Variants in CCDC66 observed in about 807,000 individuals in gnomAD.
CCDC66 encodes coiled-coil domain-containing protein 66.
In CCDC66, 133 loss-of-function variants were observed where a neutral mutation model predicts 128.3. The ratio of observed to expected loss-of-function variants is 1.04; its 90% CI spans 0.90 to 1.20. The LOEUF (loss-of-function observed/expected upper bound fraction) is 1.20, where lower values mean the gene tolerates loss of function less well. Ranked by LOEUF, CCDC66 falls within the 50% of genes most tolerant of loss-of-function variation. The pLI, the probability that CCDC66 is intolerant of heterozygous loss-of-function variation, is 0.00. For synonymous variants in CCDC66, 387 were observed against 357.0 expected (o/e 1.08, Z -0.95); for missense variants, 1,126 against 1,075.5 (o/e 1.05, Z -0.66).
intron 7 of CCDC66, among the ~76,000 whole-genome samples, chr3:56,586,221 A>G (rs1465435395): frequency 6.6e-6 from 1 of 151,964 alleles, no homozygotes; most frequent in Non-Finnish European, 1.5e-5. Flanking sequence ...GATAAAAGTT[A>G]AAGAATGTAC....
Position 56,613,722 on chromosome 3 carries a change from A to G in CCDC66, c.1538A>G (p.Glu513Gly). The G allele has an allele frequency of 6.2e-7, 1 of 1,610,418 alleles. No homozygotes were observed. The highest frequency in any genetic ancestry group is 8.5e-7 in the Non-Finnish European group (1 of 1,178,880). ...GAAGAGATGCAGAAACAGTATGAAG[A>G]AGACATACTTAAGCAAAAACAAAAG... is the stretch of plus-strand genomic sequence containing the variant. ...EREEMQKQYE[E>G]DILKQKQKEE... The change falls in exon 11 of 18, where the codon GAA becomes GGA. Residue 513 changes from glutamate to glycine, a missense_variant. Coordinates refer to ENST00000394672, the MANE Select transcript of CCDC66 (RefSeq NM_001141947.3).
chr3:56,620,121 T>A, intron 17 of CCDC66: 1 of 313,870 alleles, frequency 3.2e-6, no homozygotes, highest in Non-Finnish European at 5.8e-6. Flanking sequence ...TACGAAATCA[T>A]CAGACAGTTC....
chr3:56,568,827 T>C (rs763727085), intron 6 of CCDC66, among the ~76,000 whole-genome samples: 10 of 152,256 alleles, frequency 6.6e-5, no homozygotes, highest in Non-Finnish European at 8.8e-5. Context: ...CTATAATTTC[T>C]GTTAGAGTCT....
intron 7 of CCDC66, among the ~76,000 whole-genome samples, chr3:56,573,577 C>T (rs570854822): frequency 3.9e-5 from 6 of 152,286 alleles, no homozygotes; most frequent in Admixed American, 1.3e-4. Context: ...AAAATGTCAG[C>T]GTTAGCATGA....
chr3:56,613,591 A>G lies in CCDC66; in HGVS notation c.1407A>G (p.Lys469=). The change falls in exon 11 of 18, where the codon AAA becomes AAG. Residue 469 remains lysine (K), a splice_region_variant and synonymous_variant. Coordinates refer to ENST00000394672, the MANE Select transcript of CCDC66 (RefSeq NM_001141947.3). ...RRRQKQLEHQ[K]AITAQVEEKR... ...TTTACGTGATTGCTTATGACTAGAA[A>G]GCCATCACTGCCCAGGTAGAAGAGA... is the stretch of plus-strand genomic sequence containing the variant. 1.2e-6 allele frequency: 2 copies of G among 1,609,062 alleles called. No homozygotes were observed. Among genetic ancestry groups the G allele is most frequent in the South Asian group, 2.2e-5 (2 of 89,992 alleles).
intron 10 of CCDC66, among the ~76,000 whole-genome samples, chr3:56,609,917 T>C (rs1302809231): frequency 6.6e-6 from 1 of 152,202 alleles, no homozygotes; most frequent in African/African-American, 2.4e-5. Flanking sequence ...CTCTTCTAGC[T>C]TGTAGGGTTT....
At chr3:56,588,924 A>C (rs1005766541) in intron 7 of CCDC66, among the ~76,000 whole-genome samples, 1 of 152,238 alleles carries the variant, frequency 6.6e-6, no homozygotes, top group African/African-American at 2.4e-5. Flanking sequence ...CTGAAAATCA[A>C]GGAATAGTGA....
At chr3:56,608,079 T>C (rs201137011) in intron 10 of CCDC66, among the ~76,000 whole-genome samples, 5 of 152,206 alleles carry the variant, frequency 3.3e-5, no homozygotes, top group East Asian at 3.8e-4. Context: ...ATCAAAGATA[T>C]TGGTCTGTAG....
chr3:56,617,890 G>A (rs376120284), intron 14 of CCDC66: 61 of 564,290 alleles, frequency 1.1e-4, no homozygotes, highest in Non-Finnish European at 1.5e-4. Context: ...TATGCTTATC[G>A]AGTCCTTTAC....
intron 7 of CCDC66, among the ~76,000 whole-genome samples, chr3:56,583,964 G>T (rs2068936940): frequency 7.3e-6 from 1 of 137,794 alleles, no homozygotes; most frequent in Non-Finnish European, 1.6e-5. Context: ...GGCTGGCCGG[G>T]CGGGGGCTGC....
At chr3:56,580,768 C>T (rs1181364825) in intron 7 of CCDC66, among the ~76,000 whole-genome samples, 1 of 151,904 alleles carries the variant, frequency 6.6e-6, no homozygotes, top group African/African-American at 2.4e-5. Flanking sequence ...AGAGTTTCTG[C>T]TTAGGGATCC....
intron 3 of CCDC66, chr3:56,561,296 A>T: frequency 2.2e-6 from 1 of 456,554 alleles, no homozygotes; most frequent in Non-Finnish European, 4.4e-6. Flanking sequence ...AAGACATTTT[A>T]TTGTCATTTT....
intron 6 of CCDC66, 26 bp downstream of exon 6, chr3:56,567,079 T>C (rs370618445): frequency 6.5e-7 from 1 of 1,527,234 alleles, no homozygotes; most frequent in Non-Finnish European, 9.1e-7. Flanking sequence ...ACCTTTATTA[T>C]AGTTTTATTG....
At chr3:56,595,450 G>A (rs913196174) in intron 10 of CCDC66, among the ~76,000 whole-genome samples, 3 of 152,100 alleles carry the variant, frequency 2.0e-5, no homozygotes, top group Non-Finnish European at 4.4e-5. Flanking sequence ...TCTTTAGCTC[G>A]TTGAGACCTA....
At position 56,617,473 on chromosome 3, in the gene CCDC66, G is replaced by A. The variant is rs1205376173; in HGVS notation, c.2205G>A (p.Gln735=). 5 of 1,613,928 alleles carry A rather than the reference G, an allele frequency of 3.1e-6. No homozygotes were observed. The South Asian group carries it at 5.5e-5, about 18-fold the overall frequency. ...GAGAAGAAAAAAAAGTAAGGAGGCA[G>A]ATGGAATTGCTTCATTTGGTAGAAA... ...KQREEKKVRR[Q]MELLHLVEKN... is the part of the protein sequence containing the mutation. The change falls in exon 14 of 18, where the codon CAG becomes CAA. Residue 735 remains glutamine (Q), a synonymous_variant. Coordinates refer to ENST00000394672, the MANE Select transcript of CCDC66 (RefSeq NM_001141947.3).
intron 10 of CCDC66, among the ~76,000 whole-genome samples, chr3:56,596,060 A>T (rs2071849277): frequency 6.6e-6 from 1 of 152,166 alleles, no homozygotes; most frequent in African/African-American, 2.4e-5. Context: ...TATTACAAGC[A>T]TGCGCCACCA....
intron 11 of CCDC66, among the ~76,000 whole-genome samples, chr3:56,614,144 G>C (rs964899928): frequency 2.0e-5 from 3 of 152,194 alleles, no homozygotes. Context: ...GAATTGTGAA[G>C]CTATGTATGG....
rs746778556 is a variant in CCDC66, at chr3:56,572,363, G to A, written c.936+1061G>A. On this transcript the variant is annotated intron_variant, in intron 7 of 17. Coordinates refer to ENST00000394672, the MANE Select transcript of CCDC66 (RefSeq NM_001141947.3). Reference sequence around the variant, plus strand: ...TCTTCAAGCATTCTATCACAGTCTCGTAGCCAGGTTATGGTGGTCCAAGCT... The same window carrying A: ...TCTTCAAGCATTCTATCACAGTCTCATAGCCAGGTTATGGTGGTCCAAGCT... 60 of 1,289,384 alleles carry A rather than the reference G, an allele frequency of 4.7e-5. No individual in the cohort carries two copies. The Admixed American group carries it at 6.7e-4, about 14-fold the overall frequency. The allele number at this position is 1,289,384 out of a possible 1,614,324, so 79.9% of individuals were successfully genotyped here. A position where few individuals can be genotyped will look rare whatever the true frequency, so the allele number is the denominator to read the frequency against.
intron 11 of CCDC66, 148 bp from the exon 12 acceptor site, chr3:56,614,980 A>C (rs1280051437): frequency 8.7e-6 from 5 of 574,528 alleles, no homozygotes; most frequent in African/African-American, 3.8e-5. Context: ...CCAAAAGGGC[A>C]GGAACTTTGC....
Sources: gnomAD v4.1 joint callset for allele counts (sites outside exome capture counted in the v4.1 genomes callset) on GRCh38, gnomAD v4.1.1 for gene constraint, MANE v1.5 for transcripts, NCBI Gene and HGNC (gene_info 2026-07-23, HGNC 2026-07-21) for gene names.